The following GLIS3 variants were observed in gnomAD, a reference collection of about 807,000 sequenced individuals.
GLIS3 encodes the protein GLIS family zinc finger 3, also known as zinc finger protein GLIS3.
Under a neutral mutation model 78.6 loss-of-function variants are expected in GLIS3, and 53 were observed. The ratio of observed to expected loss-of-function variants is 0.67; its 90% CI spans 0.54 to 0.85. GLIS3 has a LOEUF of 0.85. Among genes scored for constraint, GLIS3 ranks in the 40% least tolerant of loss-of-function variants. The pLI is 0.00. For missense variants in GLIS3, 1,703 were observed against 1,231.1 expected (o/e 1.38, Z -5.74); for synonymous variants, 684 against 509.9 (o/e 1.34, Z -4.60).
chr9:4,408,124 G>T, the GLIS3 span, among the ~76,000 whole-genome samples: 2 of 152,162 alleles, frequency 1.3e-5, no homozygotes, highest in African/African-American at 4.8e-5. Flanking sequence ...ACAAATGCTA[G>T]CAAGAATGTG....
At chr9:4,056,259 C>A (rs1259892577) in intron 4 of GLIS3, among the ~76,000 whole-genome samples, 5 of 152,228 alleles carry the variant, frequency 3.3e-5, no homozygotes, top group African/African-American at 7.2e-5. Context: ...AAGGACCAAC[C>A]TTGAAGACAT....
At chr9:4,382,013 A>C in the GLIS3 span, among the ~76,000 whole-genome samples, 1 of 151,694 alleles carries the variant, frequency 6.6e-6, no homozygotes, top group Admixed American at 6.6e-5. Context: ...GCTCCTCTTC[A>C]GTTTCATTCC....
At chr9:3,869,971 C>G (rs1207397587) in intron 8 of GLIS3, among the ~76,000 whole-genome samples, 3 of 152,066 alleles carry the variant, frequency 2.0e-5, no homozygotes, top group African/African-American at 7.2e-5. Flanking sequence ...CTGGGTAACA[C>G]TTGGTTAAGG....
chr9:4,161,856 T>C (rs1156313517), intron 2 of GLIS3, among the ~76,000 whole-genome samples: 1 of 151,738 alleles, frequency 6.6e-6, no homozygotes, highest in African/African-American at 2.4e-5. Flanking sequence ...TTTGTTTTTT[T>C]TTTTTTTCAG....
intron 4 of GLIS3, among the ~76,000 whole-genome samples, chr9:4,086,511 T>A (rs1414328276): frequency 6.6e-6 from 1 of 152,140 alleles, no homozygotes; most frequent in Non-Finnish European, 1.5e-5. Flanking sequence ...TACATTGGGG[T>A]GAATTCAATA....
At chr9:4,091,417 G>A (rs1487957532) in intron 4 of GLIS3, among the ~76,000 whole-genome samples, 5 of 151,766 alleles carry the variant, frequency 3.3e-5, no homozygotes, top group South Asian at 4.2e-4. Context: ...ATTGGTACAC[G>A]GTAAGCATTT....
At chr9:3,851,910 A>C (rs971483320) in intron 9 of GLIS3, among the ~76,000 whole-genome samples, 1 of 152,190 alleles carries the variant, frequency 6.6e-6, no homozygotes, top group Non-Finnish European at 1.5e-5. Flanking sequence ...TGGGAGGCCA[A>C]GGTGGGCAGA....
intron 4 of GLIS3, among the ~76,000 whole-genome samples, chr9:3,953,270 CTTGTT>C (rs1450904483): frequency 1.3e-5 from 2 of 152,208 alleles, no homozygotes; most frequent in South Asian, 4.2e-4. Flanking sequence ...GAATATTTGT[CTTGTT>C]TTGTTGGTTT....
intron 2 of GLIS3, among the ~76,000 whole-genome samples, chr9:4,224,734 T>TC (rs756177132): frequency 5.7e-4 from 87 of 151,420 alleles, no homozygotes; most frequent in Non-Finnish European, 9.6e-4. Flanking sequence ...TTTTTTTTTT[T>TC]ATTTCTATCT....
chr9:4,245,200 G>A (rs538085030), intron 2 of GLIS3, among the ~76,000 whole-genome samples: 3 of 152,204 alleles, frequency 2.0e-5, no homozygotes, highest in African/African-American at 7.2e-5. Flanking sequence ...TGTTGGTTTA[G>A]AGGGATTCTA....
At chr9:4,110,706 A>T (rs373999378) in intron 4 of GLIS3, among the ~76,000 whole-genome samples, 2 of 152,250 alleles carry the variant, frequency 1.3e-5, no homozygotes. Flanking sequence ...CCAACCACAG[A>T]TCCACTGTCC....
chr9:4,458,662 T>A, the GLIS3 span, among the ~76,000 whole-genome samples: 1,528 of 152,064 alleles, frequency 0.01, 11 homozygotes, highest in Non-Finnish European at 0.016. Context: ...GTGGCGCACG[T>A]CTGTAGTCCC....
At chr9:4,360,122 G>A in the GLIS3 span, among the ~76,000 whole-genome samples, 203 of 152,156 alleles carry the variant, frequency 1.3e-3, 1 homozygote, top group Admixed American at 3.1e-3. Flanking sequence ...CTCAATGAGG[G>A]CACAGGTTTT....
intron 2 of GLIS3, among the ~76,000 whole-genome samples, chr9:4,176,083 C>A (rs962109732): frequency 1.3e-5 from 2 of 152,146 alleles, no homozygotes; most frequent in Non-Finnish European, 2.9e-5. Flanking sequence ...GTTCACAGAA[C>A]AAAACCATGC....
intron 5 of GLIS3, among the ~76,000 whole-genome samples, chr9:3,934,031 C>T (rs1440142773): frequency 6.6e-6 from 1 of 152,172 alleles, no homozygotes; most frequent in East Asian, 1.9e-4. Context: ...GTGTTTCAGA[C>T]TAGGGATCTA....
the GLIS3 span, among the ~76,000 whole-genome samples, chr9:4,487,414 T>G: frequency 7.2e-5 from 11 of 152,262 alleles, no homozygotes; most frequent in Non-Finnish European, 1.5e-5. Flanking sequence ...TAAAGATAAT[T>G]AATGCCCCCA....
At chr9:4,117,016 C>T (rs1336973893) in intron 4 of GLIS3, among the ~76,000 whole-genome samples, 1 of 152,048 alleles carries the variant, frequency 6.6e-6, no homozygotes, top group Non-Finnish European at 1.5e-5. Flanking sequence ...GTAAATTTTG[C>T]CAAGAAACAG....
chr9:4,251,625 A>G (rs1824396144), intron 2 of GLIS3, among the ~76,000 whole-genome samples: 1 of 152,140 alleles, frequency 6.6e-6, no homozygotes, highest in Non-Finnish European at 1.5e-5. Context: ...TAATATTTTC[A>G]TGTGTGAATT....
upstream of GLIS3, among the ~76,000 whole-genome samples, chr9:4,300,246 A>ACTCT (rs1554653808): frequency 7.6e-6 from 1 of 131,446 alleles, no homozygotes; most frequent in African/African-American, 2.7e-5. Context: ...ACACACACAC[A>ACTCT]CTCCCCGTGC....
Sources: gnomAD v4.1 joint callset for allele counts (sites outside exome capture counted in the v4.1 genomes callset) on GRCh38, gnomAD v4.1.1 for gene constraint, MANE v1.5 for transcripts, NCBI Gene and HGNC (gene_info 2026-07-23, HGNC 2026-07-21) for gene names.